The following PCSK5 variants were observed in gnomAD, a reference collection of about 807,000 sequenced individuals.
The protein encoded by PCSK5 is proprotein convertase subtilisin/kexin type 5, also known as prohormone convertase 5.
A neutral mutation model predicts 233.2 loss-of-function variants in PCSK5; 129 were observed. The observed-to-expected ratio is 0.55, with a 90% confidence interval of 0.48 to 0.64. The LOEUF (loss-of-function observed/expected upper bound fraction) is 0.64. Among genes scored for constraint, PCSK5 ranks in the 30% least tolerant of loss-of-function variants. The pLI is 0.00. For synonymous variants in PCSK5, 825 were observed against 879.2 expected (o/e 0.94, Z 1.09); for missense variants, 2,076 against 2,430.1 (o/e 0.85, Z 3.06).
At position 76,212,489 on chromosome 9, in the gene PCSK5, G is replaced by T. The variant is rs1032083655; in HGVS notation, c.2627-15014G>T. 2.6e-5 allele frequency among the ~76,000 whole-genome samples: 4 copies of T among 152,232 alleles called. No individual in the cohort carries two copies. In the South Asian group the frequency reaches 8.3e-4, roughly 32 times the overall value. ...CTGACAAAATACTGCCATTGACAAA[G>T]TACTGCCTGTGGCATGTGGTTAAAC... On this transcript the variant is annotated intron_variant, in intron 20 of 37. Transcript: ENST00000674117.
At chr9:75,902,460 A>T (rs963417474) in intron 1 of PCSK5, among the ~76,000 whole-genome samples, 5 of 152,092 alleles carry the variant, frequency 3.3e-5, no homozygotes, top group Non-Finnish European at 7.4e-5. Flanking sequence ...AGAAAAATGG[A>T]TGGCCAGCTT....
chr9:76,084,942 A>G (rs1405472826), intron 7 of PCSK5, among the ~76,000 whole-genome samples: 2 of 152,210 alleles, frequency 1.3e-5, no homozygotes, highest in Non-Finnish European at 2.9e-5. Context: ...GTCAAACCTA[A>G]TATTTAGCTG....
rs139646847 is a variant in PCSK5, at chr9:75,935,690, G to A, written c.297+3207G>A. Among the ~76,000 whole-genome samples, 342 of 151,694 alleles carry A rather than the reference G, an allele frequency of 2.3e-3. 1 individual carries two copies. The highest frequency in any genetic ancestry group is 7.5e-3 in the African/African-American group (309 of 41,344). ...AGCTTTCTTTTTTTTTCTTTCATAAGCTAGAAATCATTTAACAAGTACAAG... is the reference window on the plus strand; with the variant it reads ...AGCTTTCTTTTTTTTTCTTTCATAAACTAGAAATCATTTAACAAGTACAAG... On this transcript the variant is annotated intron_variant, in intron 2 of 37. Coordinates refer to ENST00000674117, the MANE Select transcript of PCSK5 (RefSeq NM_001372043.1).
intron 12 of PCSK5, among the ~76,000 whole-genome samples, chr9:76,162,898 C>G (rs1274673095): frequency 6.6e-5 from 10 of 152,136 alleles, no homozygotes; most frequent in African/African-American, 2.4e-4. Flanking sequence ...GGAAAACTCC[C>G]CAAGGCCTTT....
intron 22 of PCSK5, 101 bp downstream of exon 22, chr9:76,233,697 G>A: frequency 1.9e-6 from 2 of 1,071,388 alleles, no homozygotes; most frequent in East Asian, 2.4e-5. Context: ...TGGGGCTGAG[G>A]GTTAAGATCA....
chr9:76,211,012 A>T (rs894216686), intron 20 of PCSK5, among the ~76,000 whole-genome samples: 1 of 152,160 alleles, frequency 6.6e-6, no homozygotes, highest in Non-Finnish European at 1.5e-5. Flanking sequence ...GCTGGGCTAA[A>T]GTGGTAAGGC....
At chr9:76,199,522 C>T (rs569234782) in intron 20 of PCSK5, among the ~76,000 whole-genome samples, 1 of 152,038 alleles carries the variant, frequency 6.6e-6, no homozygotes, top group East Asian at 1.9e-4. Context: ...TCTTCATAGC[C>T]CTGCAAAGGA....
intron 12 of PCSK5, among the ~76,000 whole-genome samples, chr9:76,159,794 T>C (rs897504681): frequency 2.0e-5 from 3 of 151,858 alleles, no homozygotes; most frequent in African/African-American, 7.3e-5. Context: ...TCACCCCTGT[T>C]TTTAAGGTTG....
intron 19 of PCSK5, 124 bp downstream of exon 19, chr9:76,189,347 G>A (rs1824255729): frequency 4.9e-6 from 4 of 821,900 alleles, no homozygotes; most frequent in African/African-American, 3.4e-5. Flanking sequence ...ATGTACCTGT[G>A]GACACTGTTC....
chr9:76,271,744 G>T (rs958159809), intron 24 of PCSK5, among the ~76,000 whole-genome samples: 1 of 152,204 alleles, frequency 6.6e-6, no homozygotes, highest in African/African-American at 2.4e-5. Context: ...GAGGCTGGAA[G>T]TCCAAAATCA....
intron 35 of PCSK5, among the ~76,000 whole-genome samples, chr9:76,349,279 AAAAAAAAAAAAAG>A (rs1464904637): frequency 1.8e-5 from 2 of 111,200 alleles, no homozygotes; most frequent in African/African-American, 2.6e-5. Flanking sequence ...GTCTCAAAAA[AAAAAAAAAAAAAG>A]AAAAAAGAAA....
At chr9:75,977,428 A>C (rs1826073702) in intron 2 of PCSK5, among the ~76,000 whole-genome samples, 1 of 129,632 alleles carries the variant, frequency 7.7e-6, no homozygotes. Flanking sequence ...GTTAGCACCT[A>C]CTTTGTTCTT....
At chr9:76,353,068 C>A (rs1257866337) in intron 36 of PCSK5, among the ~76,000 whole-genome samples, 3 of 152,010 alleles carry the variant, frequency 2.0e-5, no homozygotes, top group Non-Finnish European at 2.9e-5. Flanking sequence ...GGGATTAAAC[C>A]TGAAGGATGA....
rs11144712 is a variant in PCSK5 at position 76,001,576 on chromosome 9, G to A, written c.411+15331G>A. ...GATATGCATTACTCTAGCTTGCACAGGCAATAGTAAGTGGAAGGTAGCAAA... is the reference window on the plus strand; with the variant it reads ...GATATGCATTACTCTAGCTTGCACAAGCAATAGTAAGTGGAAGGTAGCAAA... On this transcript the variant is annotated intron_variant, in intron 3 of 37. Transcript: ENST00000674117. 1.1e-3 allele frequency among the ~76,000 whole-genome samples: 161 copies of A among 148,068 alleles called. 2 individuals carry two copies. In the East Asian group the frequency reaches 0.023, roughly 21 times the overall value.
At chr9:76,030,906 T>G (rs1828627841) in intron 5 of PCSK5, among the ~76,000 whole-genome samples, 1 of 152,154 alleles carries the variant, frequency 6.6e-6, no homozygotes, top group African/African-American at 2.4e-5. Flanking sequence ...CTGGCCATGG[T>G]TCATTGAGTG....
At chr9:76,247,273 CA>C (rs1321874719) in intron 24 of PCSK5, among the ~76,000 whole-genome samples, 2 of 152,142 alleles carry the variant, frequency 1.3e-5, no homozygotes, top group Non-Finnish European at 2.9e-5. Flanking sequence ...TGAGCCGTAA[CA>C]AACATGGACC....
intron 20 of PCSK5, among the ~76,000 whole-genome samples, chr9:76,201,045 G>A (rs560671765): frequency 6.6e-6 from 1 of 152,294 alleles, no homozygotes; most frequent in African/African-American, 2.4e-5. Flanking sequence ...CCAGTTGAAC[G>A]AAAGAACAGG....
chr9:76,256,650 T>C (rs1826991555), intron 24 of PCSK5, among the ~76,000 whole-genome samples: 1 of 152,208 alleles, frequency 6.6e-6, no homozygotes, highest in Non-Finnish European at 1.5e-5. Context: ...TCTTCGATTT[T>C]TCTGAAACCC....
chr9:76,096,138 A>G (rs1220252732), intron 8 of PCSK5, 36 bp downstream of exon 8: 1 of 1,356,266 alleles, frequency 7.4e-7, no homozygotes, highest in South Asian at 1.2e-5. Context: ...TGATCTGTTT[A>G]TTTAATGTTC....
Sources: allele counts gnomAD v4.1 joint callset (sites outside exome capture counted in the v4.1 genomes callset), GRCh38; gene constraint gnomAD v4.1.1; transcripts MANE v1.5; gene names NCBI Gene and HGNC (gene_info 2026-07-23, HGNC 2026-07-21).